The following AGBL4 variants were observed in gnomAD, a reference collection of about 807,000 sequenced individuals.
AGBL4 encodes the protein cytosolic carboxypeptidase 6.
A neutral mutation model predicts 66.4 loss-of-function variants in AGBL4; 58 were observed. The observed-to-expected ratio is 0.87, with a 90% CI of 0.71 to 1.09. AGBL4 has a LOEUF of 1.09. AGBL4 is among the 50% of genes least tolerant of loss of function. AGBL4 has a pLI of 0.00. For synonymous variants in AGBL4, 234 were observed against 222.9 expected, an observed-to-expected ratio of 1.05 and a Z score of -0.44; for missense variants, 579 against 631.0, an observed-to-expected ratio of 0.92 and a Z score of 0.88.
At chr1:48,813,360 CA>C (rs1646101518) in intron 6 of AGBL4, among the ~76,000 whole-genome samples, 2 of 151,896 alleles carry the variant, frequency 1.3e-5, no homozygotes, top group African/African-American at 2.4e-5. Context: ...AAAAACAAAA[CA>C]AAAAAACTTC....
chr1:49,633,492 A>G (rs1435643854), intron 3 of AGBL4, among the ~76,000 whole-genome samples: 2 of 152,158 alleles, frequency 1.3e-5, no homozygotes, highest in Non-Finnish European at 2.9e-5. Context: ...ATAAGAGGTA[A>G]GTAGAGAAAT....
chr1:49,079,937 A>G (rs1644779194), intron 4 of AGBL4, among the ~76,000 whole-genome samples: 1 of 152,178 alleles, frequency 6.6e-6, no homozygotes, highest in African/African-American at 2.4e-5. Context: ...CTTTGACAAA[A>G]CCAGTGCTAA....
At chr1:48,671,646 G>A (rs1646278637) in intron 6 of AGBL4, among the ~76,000 whole-genome samples, 1 of 152,192 alleles carries the variant, frequency 6.6e-6, no homozygotes, top group African/African-American at 2.4e-5. Flanking sequence ...TTGATGCATA[G>A]TAAGTGTTCA....
At chr1:48,656,765 C>T (rs1005810362) in intron 7 of AGBL4, among the ~76,000 whole-genome samples, 2 of 152,126 alleles carry the variant, frequency 1.3e-5, no homozygotes, top group Non-Finnish European at 1.5e-5. Context: ...TAAGTGGGAG[C>T]TACACTTGGG....
chr1:49,695,860 G>C (rs774888499), intron 3 of AGBL4, among the ~76,000 whole-genome samples: 7 of 152,094 alleles, frequency 4.6e-5, no homozygotes, highest in Non-Finnish European at 5.9e-5. Context: ...CAAAGTGGCT[G>C]TATTTGCACC....
At chr1:49,216,195 C>G (rs1377841733) in intron 4 of AGBL4, among the ~76,000 whole-genome samples, 1 of 152,106 alleles carries the variant, frequency 6.6e-6, no homozygotes, top group Non-Finnish European at 1.5e-5. Flanking sequence ...TTAAGTCTCT[C>G]CCAGTTAGAC....
chr1:48,642,038 G>A (rs1361568366), intron 8 of AGBL4, among the ~76,000 whole-genome samples: 2 of 152,140 alleles, frequency 1.3e-5, no homozygotes, highest in African/African-American at 2.4e-5. Context: ...ATTTCTGGGT[G>A]GGTAAAGTAC....
chr1:48,904,951 G>A (rs752022890), intron 5 of AGBL4, among the ~76,000 whole-genome samples: 153 of 152,130 alleles, frequency 1.0e-3, no homozygotes, highest in Non-Finnish European at 1.0e-3. Context: ...CAAGGCTCAT[G>A]ACACTCTCCA....
intron 3 of AGBL4, among the ~76,000 whole-genome samples, chr1:49,375,278 A>C (rs1644448985): frequency 6.6e-6 from 1 of 152,068 alleles, no homozygotes. Context: ...ATTCCTATAC[A>C]TGGCTCATTG....
At chr1:49,549,605 G>T (rs568410163) in intron 3 of AGBL4, among the ~76,000 whole-genome samples, 2 of 152,132 alleles carry the variant, frequency 1.3e-5, no homozygotes, top group Non-Finnish European at 2.9e-5. Flanking sequence ...CTTCCTTTTG[G>T]AGTTGATTTC....
At chr1:49,912,618 C>G (rs1650968616) in intron 1 of AGBL4, among the ~76,000 whole-genome samples, 1 of 152,112 alleles carries the variant, frequency 6.6e-6, no homozygotes, top group South Asian at 2.1e-4. Context: ...GGGCTTAAAA[C>G]CTAAGCAACC....
chr1:49,941,405 A>T (rs1317809696), intron 1 of AGBL4, among the ~76,000 whole-genome samples: 1 of 152,144 alleles, frequency 6.6e-6, no homozygotes, highest in East Asian at 1.9e-4. Flanking sequence ...CCTGACACCA[A>T]AGTCAAAGCA....
intron 6 of AGBL4, chr1:48,759,077 A>G: frequency 6.2e-7 from 1 of 1,612,878 alleles, no homozygotes; most frequent in Non-Finnish European, 8.5e-7. Flanking sequence ...TGCTGCTGGT[A>G]GTTGCGCAGC....
At chr1:49,345,351 G>C (rs2148511155) in intron 3 of AGBL4, among the ~76,000 whole-genome samples, 1 of 152,156 alleles carries the variant, frequency 6.6e-6, no homozygotes, top group East Asian at 1.9e-4. Context: ...GCTGTCCTAA[G>C]ACTTTTTGTC....
intron 1 of AGBL4, among the ~76,000 whole-genome samples, chr1:49,974,268 A>T (rs1658379983): frequency 6.6e-6 from 1 of 152,142 alleles, no homozygotes; most frequent in African/African-American, 2.4e-5. Flanking sequence ...GATTTATGAG[A>T]AAATATTAAT....
intron 3 of AGBL4, among the ~76,000 whole-genome samples, chr1:49,576,206 C>T (rs1453060221): frequency 2.0e-5 from 3 of 152,198 alleles, no homozygotes; most frequent in Non-Finnish European, 4.4e-5. Flanking sequence ...ATGCATTCCA[C>T]ATTTGGGTTT....
intron 1 of AGBL4, among the ~76,000 whole-genome samples, chr1:49,942,957 T>G (rs918307716): frequency 6.6e-6 from 1 of 152,120 alleles, no homozygotes; most frequent in African/African-American, 2.4e-5. Flanking sequence ...AATAATTCAA[T>G]ATCAATCAAT....
At chr1:49,753,295 C>T (rs1451325334) in intron 2 of AGBL4, among the ~76,000 whole-genome samples, 1 of 152,146 alleles carries the variant, frequency 6.6e-6, no homozygotes, top group Admixed American at 6.5e-5. Context: ...ATTTGCTTGT[C>T]TGTGAAGGAT....
chr1:48,620,810 G>T (rs1645400416), intron 9 of AGBL4, among the ~76,000 whole-genome samples: 1 of 152,118 alleles, frequency 6.6e-6, no homozygotes, highest in South Asian at 2.1e-4. Flanking sequence ...CTATATAAGT[G>T]CTTAGTGGGT....
Sources: allele counts gnomAD v4.1 joint callset (sites outside exome capture counted in the v4.1 genomes callset), GRCh38; gene constraint gnomAD v4.1.1; transcripts MANE v1.5; gene names NCBI Gene and HGNC (gene_info 2026-07-23, HGNC 2026-07-21).